The following FAT1 variants were observed in gnomAD, a reference collection of about 807,000 sequenced individuals.
FAT1 encodes FAT atypical cadherin 1.
A neutral mutation model predicts 329.8 loss-of-function variants in FAT1; 171 were observed. The observed-to-expected ratio is 0.52, with a 90% CI of 0.46 to 0.59. The LOEUF is 0.59. Ranked by LOEUF, FAT1 falls within the 20% of genes least tolerant of loss-of-function variation. The pLI, the probability that FAT1 is intolerant of heterozygous loss-of-function variation, is 0.00. For missense variants in FAT1, 5,672 were observed against 5,774.4 expected, an observed-to-expected ratio of 0.98 and a Z score of 0.57; for synonymous variants, 2,233 against 2,228.6, an observed-to-expected ratio of 1.00 and a Z score of -0.06.
At chr4:186,674,752 G>C (rs759230404) in intron 2 of FAT1, among the ~76,000 whole-genome samples, 2 of 152,144 alleles carry the variant, frequency 1.3e-5, no homozygotes, top group East Asian at 3.8e-4. Context: ...ATTAAAAGGC[G>C]GCCAGGTACA....
intron 16 of FAT1, among the ~76,000 whole-genome samples, chr4:186,608,151 A>G (rs574333333): frequency 6.6e-6 from 1 of 152,356 alleles, no homozygotes; most frequent in African/African-American, 2.4e-5. Flanking sequence ...ACACGGAGCC[A>G]TATCTAAGCT....
chr4:186,615,633 T>A (rs183609512), intron 11 of FAT1, among the ~76,000 whole-genome samples: 2 of 152,214 alleles, frequency 1.3e-5, no homozygotes, highest in East Asian at 3.9e-4. Context: ...CTGTTTCGCA[T>A]CCCAAACATC....
At chr4:186,609,140 TGTG>T (rs751631678) in intron 16 of FAT1, 40 bp downstream of exon 16, 2 of 1,597,680 alleles carry the variant, frequency 1.3e-6, no homozygotes, top group East Asian at 4.5e-5. Flanking sequence ...TAGTTATTGA[TGTG>T]GTGATTTGTA....
intron 2 of FAT1, among the ~76,000 whole-genome samples, chr4:186,669,207 G>C (rs1295475741): frequency 1.3e-5 from 2 of 152,152 alleles, no homozygotes; most frequent in Non-Finnish European, 2.9e-5. Flanking sequence ...CCTGCGCCCA[G>C]GCTGTGAGGA....
intron 10 of FAT1, 56 bp from the exon 11 acceptor site, chr4:186,617,257 G>A: frequency 1.6e-6 from 2 of 1,230,180 alleles, no homozygotes; most frequent in South Asian, 1.5e-5. Context: ...ATAAAAATAA[G>A]TAACAGAAAA....
intron 24 of FAT1, 160 bp from the exon 25 acceptor site, chr4:186,597,331 A>C: frequency 1.4e-6 from 1 of 727,208 alleles, no homozygotes; most frequent in Non-Finnish European, 2.2e-6. Flanking sequence ...GACAACCACG[A>C]GAAAAGACCT....
At chr4:186,655,770 G>C (rs1187447240) in intron 3 of FAT1, among the ~76,000 whole-genome samples, 1 of 152,120 alleles carries the variant, frequency 6.6e-6, no homozygotes, top group Non-Finnish European at 1.5e-5. Flanking sequence ...ATACTGTTAT[G>C]GAAAAACCCA....
chr4:186,725,974 C>G (rs1178156221), upstream of FAT1, among the ~76,000 whole-genome samples: 3 of 152,262 alleles, frequency 2.0e-5, no homozygotes, highest in African/African-American at 7.2e-5. The surrounding 1 kb of genome is among the most constrained non-coding windows in gnomAD (Gnocchi z 5.4). Context: ...CGCCTCCGCA[C>G]AGAACCCTGC....
chr4:186,678,988 C>T (rs1743072348), intron 2 of FAT1, among the ~76,000 whole-genome samples: 3 of 152,224 alleles, frequency 2.0e-5, no homozygotes, highest in South Asian at 4.1e-4. Flanking sequence ...ATGTGGTACA[C>T]ATACTCGATG....
At chr4:186,661,723 T>A (rs1226871051) in intron 3 of FAT1, among the ~76,000 whole-genome samples, 1 of 152,132 alleles carries the variant, frequency 6.6e-6, no homozygotes, top group Admixed American at 6.5e-5. Flanking sequence ...GCCGCTCCAA[T>A]AAAGTAACAG....
At chr4:186,667,423 G>T (rs1237619036) in intron 2 of FAT1, among the ~76,000 whole-genome samples, 1 of 152,236 alleles carries the variant, frequency 6.6e-6, no homozygotes, top group African/African-American at 2.4e-5. Flanking sequence ...AATTAAAATA[G>T]TAAGTATGAA....
At chr4:186,643,318 T>G (rs1355432119) in intron 3 of FAT1, among the ~76,000 whole-genome samples, 1 of 152,158 alleles carries the variant, frequency 6.6e-6, no homozygotes, top group East Asian at 1.9e-4. Context: ...AGGGTGGGTT[T>G]ACTTTTCTGC....
In FAT1 at chr4:186,687,541, A is replaced by C. The variant is rs549403844; in HGVS notation, c.3265+19022T>G. On this transcript the variant is annotated intron_variant, in intron 2 of 26. Coordinates refer to ENST00000441802, the MANE Select transcript of FAT1 (RefSeq NM_005245.4). ...TGAGTATTACTATACAAACAGGATG[A>C]GTGTCCCAAATCAAAAAATCTGAAA... Among the ~76,000 whole-genome samples, 16 of 152,378 alleles carry C rather than the reference A, an allele frequency of 1.1e-4. 1 individual carries two copies. Among genetic ancestry groups the C allele is most frequent in the Middle Eastern group, 6.8e-3 (2 of 294 alleles).
At chr4:186,716,368 A>G (rs1355826785) in intron 1 of FAT1, among the ~76,000 whole-genome samples, 4 of 152,056 alleles carry the variant, frequency 2.6e-5, no homozygotes, top group African/African-American at 9.7e-5. Context: ...TAAAATTTGG[A>G]ATTTCGAGTT....
In FAT1 at chr4:186,619,661, C is replaced by A. The variant is rs1221788415; in HGVS notation, c.6925G>T (p.Asp2309Tyr). ...GTSVVQVRAT[D>Y]SDSEPNRGIS... ...CCTCTATTTGGTTCTGAATCAGAATCGGTGGCTCTAACTTGAACAACAGAC... is the reference window on the plus strand; with the variant it reads ...CCTCTATTTGGTTCTGAATCAGAATAGGTGGCTCTAACTTGAACAACAGAC... Residue 2309 changes from aspartate (D) to tyrosine (Y), a missense_variant, in exon 10 of 27, where the codon GAT (aspartate) becomes TAT (tyrosine). Around this residue, in one of 2 missense-constraint regions of FAT1, gnomAD observed 3,966 missense variants for 3,915.2 expected, o/e 1.01. Transcript: ENST00000441802. 2 of 1,613,946 alleles carry A rather than the reference C, an allele frequency of 1.2e-6. No homozygotes were observed. Among genetic ancestry groups the A allele is most frequent in the South Asian group, 2.2e-5 (2 of 91,070 alleles).
intron 2 of FAT1, among the ~76,000 whole-genome samples, chr4:186,703,225 T>C (rs1744410341): frequency 6.6e-6 from 1 of 152,166 alleles, no homozygotes; most frequent in African/African-American, 2.4e-5. Flanking sequence ...GCAAAGCCAT[T>C]TGCAGAACAT....
intron 22 of FAT1, among the ~76,000 whole-genome samples, chr4:186,599,004 G>A (rs931458993): frequency 6.6e-6 from 1 of 152,160 alleles, no homozygotes; most frequent in African/African-American, 2.4e-5. Flanking sequence ...GGGCCTTTAG[G>A]AGCCAGGGCA....
chr4:186,621,633 A>G lies in FAT1; in HGVS notation c.4953T>C (p.Thr1651=), dbSNP rs900909165. The change falls in exon 10 of 27, where the codon ACT becomes ACC. Residue 1651 remains threonine (T), a synonymous_variant. Coordinates refer to ENST00000441802, the MANE Select transcript of FAT1 (RefSeq NM_005245.4). The stretch of plus-strand genomic sequence containing the variant: ...CAATTGTGACAAAGATACGCACAGA[A>G]GTTATTTCACTCATTGGTGGACTGC... The part of the protein sequence containing the change: ...DKGSPPMSEI[T]SVRIFVTIAD... 3.4e-5 allele frequency: 55 copies of G among 1,613,932 alleles called. No individual in the cohort carries two copies. Among genetic ancestry groups the G allele is most frequent in the Non-Finnish European group, 4.4e-5 (52 of 1,179,910 alleles).
Position 186,621,574 on chromosome 4 carries a change from T to G in FAT1, c.5012A>C (p.Glu1671Ala), listed in dbSNP as rs910238842. Reference protein sequence around the residue: ...DNASPKFTSKEYSVELSETVS... With the variant: ...DNASPKFTSKAYSVELSETVS... ...AGTTTCACTAAGTTCAACAGAATAT[T>G]CTTTTGATGTAAACTTCGGAGAGGC... Residue 1671 changes from glutamate to alanine, a missense_variant, in exon 10 of 27, where the codon GAA becomes GCA. Coordinates refer to ENST00000441802, the MANE Select transcript of FAT1 (RefSeq NM_005245.4). 1 of 1,613,844 alleles carries G rather than the reference T, an allele frequency of 6.2e-7. No homozygotes were observed. Among genetic ancestry groups the G allele is most frequent in the Non-Finnish European group, 8.5e-7 (1 of 1,179,888 alleles).
Sources: allele counts gnomAD v4.1 joint callset (sites outside exome capture counted in the v4.1 genomes callset), GRCh38; gene constraint gnomAD v4.1.1; regional missense constraint gnomAD v4.1.1; non-coding constraint Gnocchi (gnomAD v3.1); transcripts MANE v1.5; gene names NCBI Gene and HGNC (gene_info 2026-07-23, HGNC 2026-07-21).